The following PLEKHA7 variants were observed in gnomAD, a reference collection of about 807,000 sequenced individuals.
The protein encoded by PLEKHA7 is pleckstrin homology domain containing A7.
Under a neutral mutation model 170.0 loss-of-function variants are expected in PLEKHA7, and 104 were observed. The ratio of observed to expected loss-of-function variants is 0.61; its 90% CI spans 0.52 to 0.72. The LOEUF (loss-of-function observed/expected upper bound fraction) is 0.72, where lower values mean the gene tolerates loss of function less well. Among genes scored for constraint, PLEKHA7 ranks in the 30% least tolerant of loss-of-function variants. The pLI is 0.00. For synonymous variants in PLEKHA7, 648 were observed against 660.8 expected, an observed-to-expected ratio of 0.98 and a Z score of 0.30; for missense variants, 1,615 against 1,671.7, an observed-to-expected ratio of 0.97 and a Z score of 0.59.
At chr11:16,950,768 C>T (rs1410012241) in intron 3 of PLEKHA7, among the ~76,000 whole-genome samples, 2 of 149,354 alleles carry the variant, frequency 1.3e-5, no homozygotes, top group Non-Finnish European at 2.9e-5. Flanking sequence ...TTTTTCCAAA[C>T]ATTTTCCCAA....
At chr11:16,824,475 T>C (rs574337403) in intron 10 of PLEKHA7, among the ~76,000 whole-genome samples, 122 of 152,386 alleles carry the variant, frequency 8.0e-4, no homozygotes, top group Admixed American at 2.0e-3. Context: ...GTGATTATTA[T>C]GCATTGCATG....
rs561905616 is a variant in PLEKHA7, at chr11:16,789,844, C to G, written c.3087G>C (p.Ser1029=). Residue 1029 remains serine (S), a synonymous_variant, in exon 22 of 27, where the codon TCG becomes TCC. Coordinates refer to ENST00000531066, the MANE Select transcript of PLEKHA7 (RefSeq NM_001329630.2). The surrounding 1 kb of genome is among the most constrained non-coding windows in gnomAD (Gnocchi z 4.6). The part of the protein sequence containing the change: ...LSGSTSRLQQ[S]STIAPYVTLR... ...GTGTGACGTAGGGAGCAATGGTGGA[C>G]GACTGCTGGAGCCTTGACGTGGACC... is the stretch of plus-strand genomic sequence containing the variant. 1.9e-6 allele frequency: 3 copies of G among 1,613,972 alleles called. No homozygotes were observed. Among genetic ancestry groups the G allele is most frequent in the Non-Finnish European group, 2.5e-6 (3 of 1,179,982 alleles).
At chr11:16,945,062 G>A (rs1490859494) in intron 3 of PLEKHA7, among the ~76,000 whole-genome samples, 1 of 151,958 alleles carries the variant, frequency 6.6e-6, no homozygotes, top group African/African-American at 2.4e-5. Flanking sequence ...TCAGCCTCCC[G>A]AGTAGCTGCG....
At chr11:16,886,420 G>T (rs1856106265) in intron 3 of PLEKHA7, among the ~76,000 whole-genome samples, 1 of 152,098 alleles carries the variant, frequency 6.6e-6, no homozygotes, top group Non-Finnish European at 1.5e-5. Context: ...ATCTTAAAAG[G>T]CACACAATTG....
At chr11:17,013,940 AC>A (rs545393853) in intron 3 of PLEKHA7, 48 bp downstream of exon 3, 52,603 of 1,181,650 alleles carry the variant, frequency 0.045, 511 homozygotes, top group African/African-American at 0.14. Context: ...ACGGGGAGGG[AC>A]CCCCCCCCCG....
At chr11:16,908,353 G>A (rs1858002479) in intron 3 of PLEKHA7, among the ~76,000 whole-genome samples, 1 of 152,048 alleles carries the variant, frequency 6.6e-6, no homozygotes, top group South Asian at 2.1e-4. Flanking sequence ...CATAAGAGGG[G>A]GAAATTGGAC....
chr11:16,937,164 A>G (rs1177943937), intron 3 of PLEKHA7, among the ~76,000 whole-genome samples: 1 of 152,230 alleles, frequency 6.6e-6, no homozygotes, highest in Non-Finnish European at 1.5e-5. Flanking sequence ...TCTGGACAAG[A>G]GACAGTTTGC....
intron 4 of PLEKHA7, among the ~76,000 whole-genome samples, chr11:16,865,499 G>A (rs564724285): frequency 6.6e-6 from 1 of 152,246 alleles, no homozygotes; most frequent in Non-Finnish European, 1.5e-5. Context: ...TGAGGCAGAT[G>A]GACTGCTTGA....
At chr11:16,965,946 G>A (rs898518438) in intron 3 of PLEKHA7, among the ~76,000 whole-genome samples, 5 of 152,190 alleles carry the variant, frequency 3.3e-5, no homozygotes, top group Non-Finnish European at 5.9e-5. Flanking sequence ...ACTTTGGGAG[G>A]CCAAGGCAGG....
In PLEKHA7 at chr11:17,014,045, G is replaced by A. The variant is rs777460783; in HGVS notation, c.165C>T (p.Asp55=). Residue 55 remains aspartate, a splice_region_variant and synonymous_variant, in exon 3 of 27, where the codon GAC becomes GAT. Coordinates refer to ENST00000531066, the MANE Select transcript of PLEKHA7 (RefSeq NM_001329630.2). ...PVNSGHMIRS[D]LPRGWEEGFT... is the part of the protein sequence containing the mutation. ...AGCCCTCCTCCCAGCCGCGGGGCAG[G>A]TCTGCGGAAACGCCAGAAAAGTCGG... 1.7e-5 allele frequency: 27 copies of A among 1,563,558 alleles called. No individual in the cohort carries two copies. The South Asian group carries it at 2.9e-4, about 17-fold the overall frequency.
At chr11:16,794,152 G>C (rs1848050409) in intron 19 of PLEKHA7, among the ~76,000 whole-genome samples, 1 of 151,842 alleles carries the variant, frequency 6.6e-6, no homozygotes, top group Non-Finnish European at 1.5e-5. Flanking sequence ...ACAAAGGTTT[G>C]CATGGGGACA....
At position 17,014,410 on chromosome 11, in the gene PLEKHA7, A is replaced by C. The variant is rs1865552838; in HGVS notation, c.-9T>G. 1.0e-5 allele frequency: 12 copies of C among 1,184,794 alleles called. No individual in the cohort carries two copies. Among genetic ancestry groups the C allele is most frequent in the East Asian group, 4.5e-5 (1 of 22,306 alleles). 73.4% of individuals were successfully genotyped at this position (1,184,794 alleles called of 1,614,324 possible). A position where few individuals can be genotyped will look rare whatever the true frequency, so the allele number is the denominator to read the frequency against. ...ACCGTCGCCGCCGCCATGTTCGCCG[A>C]GCGCGGAGCCGCCGCGGGGTGGGGG... On this transcript the variant is annotated 5_prime_UTR_variant, in exon 1 of 27. Coordinates refer to ENST00000531066, the MANE Select transcript of PLEKHA7 (RefSeq NM_001329630.2).
chr11:16,969,096 G>A (rs1220810542), intron 3 of PLEKHA7, among the ~76,000 whole-genome samples: 1 of 152,126 alleles, frequency 6.6e-6, no homozygotes, highest in Non-Finnish European at 1.5e-5. Context: ...GGGAGGAGGT[G>A]AGAGAAGATT....
At chr11:16,979,713 TA>T (rs1269716639) in intron 3 of PLEKHA7, among the ~76,000 whole-genome samples, 694 of 145,338 alleles carry the variant, frequency 4.8e-3, no homozygotes, top group African/African-American at 7.7e-3. Flanking sequence ...TCAGCAAGAT[TA>T]AAAAAAAAAA....
chr11:16,979,713 TAAA>T (rs1269716639), intron 3 of PLEKHA7, among the ~76,000 whole-genome samples: 1 of 146,284 alleles, frequency 6.8e-6, no homozygotes, highest in East Asian at 2.0e-4. Flanking sequence ...TCAGCAAGAT[TAAA>T]AAAAAAAAAG....
At position 16,783,771 on chromosome 11, in the gene PLEKHA7, T is replaced by A; in HGVS notation, c.3579A>T (p.Pro1193=). 1 of 1,516,110 alleles carries A rather than the reference T, an allele frequency of 6.6e-7. No individual in the cohort carries two copies. Among genetic ancestry groups the A allele is most frequent in the Non-Finnish European group, 8.8e-7 (1 of 1,137,418 alleles). 93.9% of individuals were successfully genotyped at this position (1,516,110 alleles called of 1,614,324 possible). A position where few individuals can be genotyped will look rare whatever the true frequency, so the allele number is the denominator to read the frequency against. ...ERYVELDPEE[P]PSLEELQARY... ...GCGCCTGCAGCTCCTCAAGGCTGGGTGGCTCTTCGGGATCTAGCTCCACGT... is the reference window on the plus strand; with the variant it reads ...GCGCCTGCAGCTCCTCAAGGCTGGGAGGCTCTTCGGGATCTAGCTCCACGT... Residue 1193 remains proline, a synonymous_variant, in exon 25 of 27, where the codon CCA becomes CCT. Coordinates refer to ENST00000531066, the MANE Select transcript of PLEKHA7 (RefSeq NM_001329630.2).
At chr11:16,888,155 CG>C (rs1271175033) in intron 3 of PLEKHA7, among the ~76,000 whole-genome samples, 6 of 97,964 alleles carry the variant, frequency 6.1e-5, no homozygotes, top group Non-Finnish European at 1.4e-4. Flanking sequence ...CCCCTCCACC[CG>C]GCAGCCGTCC....
At chr11:16,969,623 C>A (rs73427260) in intron 3 of PLEKHA7, among the ~76,000 whole-genome samples, 2,268 of 152,244 alleles carry the variant, frequency 0.015, 55 homozygotes, top group African/African-American at 0.051. Context: ...CACGCTCTAC[C>A]CCTAGGACAG....
intron 3 of PLEKHA7, among the ~76,000 whole-genome samples, chr11:16,946,795 C>G (rs893159390): frequency 1.2e-4 from 19 of 152,102 alleles, no homozygotes; most frequent in African/African-American, 4.3e-4. Context: ...AGCAACACCC[C>G]CTCCCCCACA....
Sources: gnomAD v4.1 joint callset for allele counts (sites outside exome capture counted in the v4.1 genomes callset) on GRCh38, gnomAD v4.1.1 for gene constraint, Gnocchi (gnomAD v3.1) non-coding constraint, MANE v1.5 for transcripts, NCBI Gene and HGNC (gene_info 2026-07-23, HGNC 2026-07-21) for gene names.